Variants in RNF43 observed in about 807,000 individuals in gnomAD.
The protein encoded by RNF43 is ring finger protein 43.
RNF43 carries 37 observed loss-of-function variants against 78.4 expected under a neutral mutation model. The observed-to-expected ratio is 0.47, with a 90% CI of 0.36 to 0.62. The LOEUF is 0.62. Among genes scored for constraint, RNF43 ranks in the 20% least tolerant of loss-of-function variants. The pLI is 0.00. For synonymous variants in RNF43, 347 were observed against 395.0 expected, an observed-to-expected ratio of 0.88 and a Z score of 1.44; for missense variants, 774 against 1,007.9, an observed-to-expected ratio of 0.77 and a Z score of 3.14.
chr17:58,368,302 T>C (rs994335167), intron 3 of RNF43, among the ~76,000 whole-genome samples: 3 of 152,102 alleles, frequency 2.0e-5, no homozygotes, highest in Non-Finnish European at 2.9e-5. Flanking sequence ...AATCCCAGCA[T>C]TTTGGGAGGC....
chr17:58,398,841 T>G (rs1973737068), intron 2 of RNF43, among the ~76,000 whole-genome samples: 1 of 152,240 alleles, frequency 6.6e-6, no homozygotes, highest in African/African-American at 2.4e-5. Flanking sequence ...ATAGTGAATG[T>G]TTATCCTTGT....
intron 2 of RNF43, among the ~76,000 whole-genome samples, chr17:58,378,202 A>T (rs1267998457): frequency 6.6e-6 from 1 of 152,174 alleles, no homozygotes; most frequent in Non-Finnish European, 1.5e-5. Flanking sequence ...GTTTCCACGA[A>T]TCAAGTTGGG....
At chr17:58,392,586 G>A (rs1973582830) in intron 2 of RNF43, among the ~76,000 whole-genome samples, 1 of 152,190 alleles carries the variant, frequency 6.6e-6, no homozygotes, top group Admixed American at 6.5e-5. Flanking sequence ...TTCTCTCAAA[G>A]GGGAATATCT....
At chr17:58,410,998 C>A (rs193145066) in intron 2 of RNF43, among the ~76,000 whole-genome samples, 2 of 152,222 alleles carry the variant, frequency 1.3e-5, no homozygotes, top group Non-Finnish European at 2.9e-5. Flanking sequence ...CAAGTTCCAG[C>A]AACACCACTT....
intron 2 of RNF43, among the ~76,000 whole-genome samples, chr17:58,389,147 G>A (rs1162822432): frequency 6.6e-6 from 1 of 152,178 alleles, no homozygotes; most frequent in Non-Finnish European, 1.5e-5. Context: ...TTAGAGAGCT[G>A]TTCCAGTAAT....
In RNF43 at chr17:58,354,934, C is replaced by G. The variant is rs1173384093; in HGVS notation, c.*9G>C. 3.1e-6 allele frequency: 5 copies of G among 1,613,722 alleles called. No homozygotes were observed. The highest frequency in any genetic ancestry group is 4.2e-6 in the Non-Finnish European group (5 of 1,179,718). ...AGCACACTCTTGGTTGGAGCTAGGC[C>G]TGAACATCTCACACAGCCTGTTCAC... On this transcript the variant is annotated 3_prime_UTR_variant, in exon 10 of 10. Coordinates refer to ENST00000407977, the MANE Select transcript of RNF43 (RefSeq NM_017763.6).
chr17:58,400,379 T>C (rs1033958500), intron 2 of RNF43, among the ~76,000 whole-genome samples: 3 of 152,182 alleles, frequency 2.0e-5, no homozygotes, highest in African/African-American at 7.2e-5. Flanking sequence ...TGAACGCAAA[T>C]AGGTTAACGG....
intron 2 of RNF43, among the ~76,000 whole-genome samples, chr17:58,376,466 C>T (rs577425533): frequency 6.6e-6 from 1 of 152,304 alleles, no homozygotes; most frequent in African/African-American, 2.4e-5. Flanking sequence ...TGGCTTGACT[C>T]TTTTACAATG....
At chr17:58,399,291 G>T (rs1054833133) in intron 2 of RNF43, among the ~76,000 whole-genome samples, 1 of 152,118 alleles carries the variant, frequency 6.6e-6, no homozygotes, top group African/African-American at 2.4e-5. Flanking sequence ...CAGACTGTTG[G>T]TCTCTGAGAA....
chr17:58,369,349 C>T (rs1423782315), intron 3 of RNF43, among the ~76,000 whole-genome samples: 13 of 152,202 alleles, frequency 8.5e-5, no homozygotes, highest in Admixed American at 8.5e-4. Context: ...CCTTCCTTGT[C>T]AGCACGGCCA....
At position 58,354,917 on chromosome 17, in the gene RNF43, C is replaced by A; in HGVS notation, c.*26G>T. The A allele has an allele frequency of 6.2e-7, 1 of 1,612,262 alleles. No individual in the cohort carries two copies. The highest frequency in any genetic ancestry group is 8.5e-7 in the Non-Finnish European group (1 of 1,178,282). The stretch of plus-strand genomic sequence containing the variant: ...GGCCCAAACACATCTGGAGCACACT[C>A]TTGGTTGGAGCTAGGCCTGAACATC... On this transcript the variant is annotated 3_prime_UTR_variant, in exon 10 of 10. Transcript: ENST00000407977.
At chr17:58,385,618 G>T (rs1341987674) in intron 2 of RNF43, among the ~76,000 whole-genome samples, 1 of 152,164 alleles carries the variant, frequency 6.6e-6, no homozygotes, top group African/African-American at 2.4e-5. Context: ...TCCTATCATT[G>T]CCCTGTTCAA....
chr17:58,415,251 T>G (rs1000036188), intron 2 of RNF43, 75 bp downstream of exon 2: 4 of 1,512,592 alleles, frequency 2.6e-6, no homozygotes, highest in African/African-American at 2.7e-5. Context: ...GTGTATGGTA[T>G]TTCATTTGGG....
intron 2 of RNF43, among the ~76,000 whole-genome samples, chr17:58,413,728 T>C (rs554780290): frequency 3.3e-5 from 5 of 152,316 alleles, no homozygotes; most frequent in African/African-American, 1.2e-4. Flanking sequence ...CTTTTTCCTT[T>C]ATGAAAACAC....
intron 2 of RNF43, among the ~76,000 whole-genome samples, chr17:58,387,064 G>A (rs896432991): frequency 3.3e-5 from 5 of 152,164 alleles, no homozygotes; most frequent in South Asian, 2.1e-4. Context: ...TGTTGAAAAC[G>A]TGAGCTTTTG....
rs1023308539 is a variant in RNF43, at chr17:58,415,248, G to A, written c.252+78C>T. Reference sequence around the variant, plus strand: ...GCTAAGCAGTAGAAGCCCGTGTATGGTATTTCATTTGGGAGACAAAAGAAG... The same window carrying A: ...GCTAAGCAGTAGAAGCCCGTGTATGATATTTCATTTGGGAGACAAAAGAAG... On this transcript the variant is annotated intron_variant, in intron 2 of 9. Transcript: ENST00000407977. The A allele has an allele frequency of 2.0e-5, 30 of 1,470,590 alleles. No homozygotes were observed. The Admixed American group carries it at 4.9e-4, about 24-fold the overall frequency. The allele number at this position is 1,470,590 out of a possible 1,614,324, so 91.1% of individuals were successfully genotyped here. A position where few individuals can be genotyped will look rare whatever the true frequency, so the allele number is the denominator to read the frequency against.
At chr17:58,408,258 C>T (rs1300383519) in intron 2 of RNF43, among the ~76,000 whole-genome samples, 2 of 152,174 alleles carry the variant, frequency 1.3e-5, no homozygotes, top group Admixed American at 1.3e-4. Flanking sequence ...AGAGAGTCAA[C>T]TCACTGAGAT....
At chr17:58,352,569 C>G, downstream of RNF43, 1 of 217,582 alleles carries the variant, frequency 4.6e-6, no homozygotes. Context: ...TTTGTTTTGT[C>G]TCCCCGTTTT....
At chr17:58,363,180 C>T (rs1972876596) in intron 5 of RNF43, 95 bp downstream of exon 5, 5 of 1,459,500 alleles carry the variant, frequency 3.4e-6, no homozygotes, top group South Asian at 2.5e-5. Context: ...CAGGATCTCT[C>T]GCAGCTCCAG....
Sources: allele counts gnomAD v4.1 joint callset (sites outside exome capture counted in the v4.1 genomes callset), GRCh38; gene constraint gnomAD v4.1.1; transcripts MANE v1.5; gene names NCBI Gene and HGNC (gene_info 2026-07-23, HGNC 2026-07-21).